Variants in AKR1C3 observed in about 807,000 individuals in gnomAD.
AKR1C3 encodes the protein 3-alpha hydroxysteroid dehydrogenase, type II.
AKR1C3 carries 48 observed loss-of-function variants against 43.6 expected under a neutral mutation model. That is an observed-to-expected ratio of 1.10 (90% CI 0.87 to 1.40). The LOEUF is 1.40. AKR1C3 is among the 40% of genes most tolerant of loss of function. AKR1C3 has a pLI of 0.00. For synonymous variants in AKR1C3, 162 were observed against 139.6 expected (o/e 1.16, Z -1.13); for missense variants, 482 against 391.2 (o/e 1.23, Z -1.96).
chr10:5,093,612 A>G (rs1839141447), upstream of AKR1C3: 1 of 152,122 alleles, frequency 6.6e-6, no homozygotes, highest in Non-Finnish European at 1.5e-5. Flanking sequence ...AAGATGACAG[A>G]TTATATAAAA....
chr10:5,091,117 G>A (rs755143772), upstream of AKR1C3, among the ~76,000 whole-genome samples: 9 of 151,944 alleles, frequency 5.9e-5, no homozygotes, highest in African/African-American at 1.7e-4. Context: ...AGCAACCACC[G>A]AAGAAGAAAA....
chr10:5,100,716 C>G (rs1156259194), intron 5 of AKR1C3, among the ~76,000 whole-genome samples: 4 of 152,112 alleles, frequency 2.6e-5, no homozygotes, highest in Non-Finnish European at 1.5e-5. Flanking sequence ...GATACAGTTC[C>G]ATCATATCCA....
At chr10:5,107,313 AGC>A in intron 8 of AKR1C3, 146 bp from the exon 9 acceptor site, 1 of 621,812 alleles carries the variant, frequency 1.6e-6, no homozygotes, top group East Asian at 3.0e-5. Context: ...TGTATTATGA[AGC>A]CATGTTCATA....
upstream of AKR1C3, among the ~76,000 whole-genome samples, chr10:5,090,907 T>G (rs901846447): frequency 6.6e-6 from 1 of 152,132 alleles, no homozygotes. Context: ...CAAATGCTAT[T>G]AATAGGACAA....
At chr10:5,076,613 T>C (rs1262770711) in intron 1 of AKR1C3, among the ~76,000 whole-genome samples, 5 of 152,220 alleles carry the variant, frequency 3.3e-5, no homozygotes, top group Admixed American at 3.3e-4. Flanking sequence ...AATTTTCCTG[T>C]TGTCTTTCAT....
chr10:5,059,494 C>G (rs968141281), intron 1 of AKR1C3, among the ~76,000 whole-genome samples: 2 of 152,072 alleles, frequency 1.3e-5, no homozygotes, highest in Non-Finnish European at 2.9e-5. Context: ...CTCTGTTGAC[C>G]CTTGGCTCAG....
At chr10:5,099,560 T>G in intron 5 of AKR1C3, 111 bp downstream of exon 5, 1 of 1,542,608 alleles carries the variant, frequency 6.5e-7, no homozygotes. Flanking sequence ...TAGAAGATTA[T>G]CTAGAGAGCA....
At chr10:5,107,247 C>A (rs994865413) in intron 8 of AKR1C3, among the ~76,000 whole-genome samples, 2 of 151,702 alleles carry the variant, frequency 1.3e-5, no homozygotes, top group Non-Finnish European at 2.9e-5. Flanking sequence ...GTGTGTTTTA[C>A]GTGTTAACTT....
chr10:5,094,795 AG>A (rs1839171435), intron 1 of AKR1C3, among the ~76,000 whole-genome samples: 1 of 152,176 alleles, frequency 6.6e-6, no homozygotes, highest in African/African-American at 2.4e-5. Context: ...TGTAAAACTC[AG>A]TATTGAAGAA....
At position 5,106,407 on chromosome 10, in the gene AKR1C3, GTCTAAGGT is replaced by G. The variant is rs587605285; in HGVS notation, c.929+735_929+742del. 2.0e-4 allele frequency among the ~76,000 whole-genome samples: 30 copies of G among 152,238 alleles called. No homozygotes were observed. In the East Asian group the frequency reaches 5.6e-3, roughly 28 times the overall value. ...AAAAGATCTTTACTATTCCTTCATG[GTCTAAGGT>G]TCTAGGATTCATAGACGGTCATTCA... On this transcript the variant is annotated intron_variant, in intron 8 of 8. Coordinates refer to ENST00000380554, the MANE Select transcript of AKR1C3 (RefSeq NM_003739.6).
chr10:5,076,271 G>A (rs1163442834), intron 1 of AKR1C3, among the ~76,000 whole-genome samples: 7 of 152,164 alleles, frequency 4.6e-5, no homozygotes, highest in African/African-American at 1.7e-4. Context: ...ATGCAATAGT[G>A]TTGAGATGTG....
In AKR1C3 at chr10:5,099,462, G is replaced by C. The variant is rs1554785674; in HGVS notation, c.570+13G>C. ...TGTCTGCAACCAGGTGAGCTCCCTT[G>C]GCCTTCTCTCCTTTCGGTTCTTCAT... On this transcript the variant is annotated intron_variant, in intron 5 of 8. Transcript: ENST00000380554. The C allele has an allele frequency of 1.9e-6, 3 of 1,614,036 alleles. No individual in the cohort carries two copies. The highest frequency in any genetic ancestry group is 2.2e-5 in the South Asian group (2 of 91,072).
At chr10:5,105,478 A>T (rs35768949) in intron 7 of AKR1C3, 117 bp from the exon 8 acceptor site, 1 of 738,932 alleles carries the variant, frequency 1.4e-6, no homozygotes, top group East Asian at 2.7e-5. Flanking sequence ...GCTGACTTCT[A>T]TAACTGTTTA....
chr10:5,073,543 C>T (rs80261696), intron 1 of AKR1C3, among the ~76,000 whole-genome samples: 2,492 of 152,240 alleles, frequency 0.016, 30 homozygotes, highest in Admixed American at 0.026. Flanking sequence ...CATGGACCCC[C>T]TTTCTCTCTC....
intron 1 of AKR1C3, among the ~76,000 whole-genome samples, chr10:5,055,554 C>A (rs563983607): frequency 1.3e-5 from 2 of 152,312 alleles, no homozygotes; most frequent in South Asian, 4.2e-4. Context: ...CTGCAACTAC[C>A]CTTAAACAGT....
chr10:5,051,164 C>T (rs375479658), intron 1 of AKR1C3, among the ~76,000 whole-genome samples: 6 of 152,266 alleles, frequency 3.9e-5, no homozygotes, highest in Middle Eastern at 6.8e-3. Flanking sequence ...GGCGTGGTCT[C>T]GGCTAACTGC....
chr10:5,102,803 C>T (rs797040177), intron 7 of AKR1C3, among the ~76,000 whole-genome samples, 153 bp downstream of exon 7: 1 of 152,202 alleles, frequency 6.6e-6, no homozygotes, highest in African/African-American at 2.4e-5. Flanking sequence ...TTCTTCTACT[C>T]TACCACGGGA....
At chr10:5,077,872 C>A in intron 1 of AKR1C3, 1 of 581,424 alleles carries the variant, frequency 1.7e-6, no homozygotes, top group African/African-American at 2.0e-5. Context: ...CTAAACAGAA[C>A]TAAGATCAGA....
intron 1 of AKR1C3, among the ~76,000 whole-genome samples, chr10:5,060,215 C>T (rs1467069515): frequency 6.6e-6 from 1 of 152,156 alleles, no homozygotes; most frequent in Non-Finnish European, 1.5e-5. Context: ...AGCAAAAGAA[C>T]AAAGCTTCCA....
Sources: gnomAD v4.1 joint callset for allele counts (sites outside exome capture counted in the v4.1 genomes callset) on GRCh38, gnomAD v4.1.1 for gene constraint, MANE v1.5 for transcripts, NCBI Gene and HGNC (gene_info 2026-07-23, HGNC 2026-07-21) for gene names.